Variants in PTPRN2 observed in about 807,000 individuals in gnomAD.
PTPRN2 encodes the protein protein tyrosine phosphatase receptor type N2, also known as receptor-type tyrosine-protein phosphatase N2.
In PTPRN2, 74 loss-of-function variants were observed where a neutral mutation model predicts 118.8. The ratio of observed to expected loss-of-function variants is 0.62; its 90% CI spans 0.52 to 0.76. PTPRN2 has a LOEUF of 0.76. Ranked by LOEUF, PTPRN2 falls within the 30% of genes least tolerant of loss-of-function variation. The pLI is 0.00. For synonymous variants in PTPRN2, 641 were observed against 608.0 expected (o/e 1.05, Z -0.80); for missense variants, 1,481 against 1,394.4 (o/e 1.06, Z -0.99).
At chr7:158,301,885 G>A (rs1243329426) in intron 3 of PTPRN2, among the ~76,000 whole-genome samples, 2 of 152,186 alleles carry the variant, frequency 1.3e-5, no homozygotes, top group Non-Finnish European at 2.9e-5. Context: ...AGGAGGCAGA[G>A]GTTGCAGTAA....
At chr7:158,299,004 G>T (rs535651668) in intron 3 of PTPRN2, among the ~76,000 whole-genome samples, 2 of 152,314 alleles carry the variant, frequency 1.3e-5, no homozygotes, top group African/African-American at 2.4e-5. Context: ...GAAGGAGGGT[G>T]CAGCTCAGCC....
chr7:158,247,943 G>A (rs957499650), intron 3 of PTPRN2, among the ~76,000 whole-genome samples: 19 of 152,174 alleles, frequency 1.2e-4, no homozygotes, highest in African/African-American at 3.1e-4. Flanking sequence ...ACCATACCTC[G>A]CACAAGACCC....
chr7:158,244,017 A>T (rs1300233862), intron 3 of PTPRN2, among the ~76,000 whole-genome samples: 2 of 152,204 alleles, frequency 1.3e-5, no homozygotes, highest in African/African-American at 4.8e-5. Context: ...GTCTCTACTT[A>T]GTGCTGATCC....
At chr7:157,930,108 C>T (rs775628597) in intron 11 of PTPRN2, among the ~76,000 whole-genome samples, 1 of 152,126 alleles carries the variant, frequency 6.6e-6, no homozygotes. Flanking sequence ...TTATAGTTTG[C>T]CTCAAGATGT....
At chr7:158,145,822 T>C (rs753471030) in intron 6 of PTPRN2, among the ~76,000 whole-genome samples, 1 of 152,180 alleles carries the variant, frequency 6.6e-6, no homozygotes, top group Admixed American at 6.5e-5. Context: ...TGCCCTGCCC[T>C]GGGGGATGCC....
intron 14 of PTPRN2, among the ~76,000 whole-genome samples, chr7:157,649,802 C>T (rs549461629): frequency 1.0e-4 from 14 of 136,436 alleles, no homozygotes; most frequent in Non-Finnish European, 2.0e-4. Context: ...ACCCATCCAG[C>T]GTGCACTGAA....
intron 3 of PTPRN2, among the ~76,000 whole-genome samples, chr7:158,302,245 G>A (rs112895972): frequency 0.01 from 1,583 of 152,222 alleles, 12 homozygotes; most frequent in Non-Finnish European, 0.015. Context: ...GGGGTTAGCC[G>A]CTGAATCCCT....
intron 5 of PTPRN2, among the ~76,000 whole-genome samples, chr7:158,172,677 C>A (rs1166889481): frequency 6.7e-6 from 1 of 149,456 alleles, no homozygotes; most frequent in Non-Finnish European, 1.5e-5. Context: ...CCACCATCAT[C>A]ATCTTCACCA....
At chr7:158,149,461 T>G (rs1038083113) in intron 6 of PTPRN2, among the ~76,000 whole-genome samples, 1 of 151,708 alleles carries the variant, frequency 6.6e-6, no homozygotes, top group South Asian at 2.1e-4. Context: ...AAAAAATCCT[T>G]ATTTTTAATC....
chr7:158,121,424 A>G (rs1388178039), intron 9 of PTPRN2, among the ~76,000 whole-genome samples: 1 of 152,188 alleles, frequency 6.6e-6, no homozygotes. Flanking sequence ...GCCTCCCCCT[A>G]CAAACTGCAA....
chr7:158,229,906 A>G (rs1343535617), intron 3 of PTPRN2, among the ~76,000 whole-genome samples: 2 of 151,432 alleles, frequency 1.3e-5, no homozygotes, highest in African/African-American at 4.8e-5. Flanking sequence ...AGAACACCAA[A>G]CAGATTTGAC....
chr7:158,331,108 C>G (rs201251743), intron 2 of PTPRN2, among the ~76,000 whole-genome samples: 10,917 of 78,796 alleles, frequency 0.14, 26 homozygotes, highest in South Asian at 0.23. Flanking sequence ...AGACGTCACT[C>G]ACACCCACAC....
Position 158,015,008 on chromosome 7 carries a change from G to A in PTPRN2, c.1723+66290C>T, listed in dbSNP as rs541800683. ...TTTTAAGAGAATAAGAACTTCTCCT[G>A]AATATCATCTTTTCCCTTTTTGCTC... On this transcript the variant is annotated intron_variant, in intron 11 of 22. Coordinates refer to ENST00000389418, the MANE Select transcript of PTPRN2 (RefSeq NM_002847.5). The surrounding 1 kb of genome is among the most constrained non-coding windows in gnomAD (Gnocchi z 4.2). 2.6e-5 allele frequency among the ~76,000 whole-genome samples: 4 copies of A among 152,274 alleles called. No homozygotes were observed. In the South Asian group the frequency reaches 8.3e-4, roughly 32 times the overall value.
At chr7:158,329,876 CTGAG>C (rs1419583267) in intron 2 of PTPRN2, among the ~76,000 whole-genome samples, 3 of 152,084 alleles carry the variant, frequency 2.0e-5, no homozygotes, top group South Asian at 4.1e-4. Flanking sequence ...CAGCGTCTGA[CTGAG>C]AAAATGCGGT....
At chr7:157,979,631 C>T (rs748160399) in intron 11 of PTPRN2, among the ~76,000 whole-genome samples, 5 of 152,150 alleles carry the variant, frequency 3.3e-5, no homozygotes, top group Admixed American at 2.0e-4. Context: ...CCATGCAGCC[C>T]GGCTCCAGAG....
At chr7:158,564,348 G>A (rs1827551575) in intron 1 of PTPRN2, among the ~76,000 whole-genome samples, 1 of 152,262 alleles carries the variant, frequency 6.6e-6, no homozygotes, top group Admixed American at 6.5e-5. Flanking sequence ...CTAGAAGTGG[G>A]ATTTGGGGGT....
At chr7:157,699,238 T>C (rs1201211142) in intron 12 of PTPRN2, among the ~76,000 whole-genome samples, 1 of 152,228 alleles carries the variant, frequency 6.6e-6, no homozygotes, top group Non-Finnish European at 1.5e-5. Flanking sequence ...TTTTAATGTA[T>C]GAAAATAGGC....
At chr7:158,479,345 GCCT>G (rs1820495587) in intron 2 of PTPRN2, among the ~76,000 whole-genome samples, 2 of 152,022 alleles carry the variant, frequency 1.3e-5, no homozygotes, top group South Asian at 4.2e-4. Flanking sequence ...CTCGCCGACA[GCCT>G]CCCTCCCTCT....
At chr7:157,793,105 G>A (rs987391536) in intron 12 of PTPRN2, among the ~76,000 whole-genome samples, 3 of 152,038 alleles carry the variant, frequency 2.0e-5, no homozygotes, top group African/African-American at 4.8e-5. Context: ...GGAAGGGGGC[G>A]CAGCTGCATC....
Sources: gnomAD v4.1 joint callset for allele counts (sites outside exome capture counted in the v4.1 genomes callset) on GRCh38, gnomAD v4.1.1 for gene constraint, Gnocchi (gnomAD v3.1) non-coding constraint, MANE v1.5 for transcripts, NCBI Gene and HGNC (gene_info 2026-07-23, HGNC 2026-07-21) for gene names.